The following MYO9B variants were observed in gnomAD, a reference collection of about 807,000 sequenced individuals.
MYO9B encodes unconventional myosin-IXb.
A neutral mutation model predicts 229.5 loss-of-function variants in MYO9B; 71 were observed. The observed-to-expected ratio is 0.31, with a 90% CI of 0.26 to 0.38. The LOEUF (loss-of-function observed/expected upper bound fraction) is 0.38. Ranked by LOEUF, MYO9B falls within the 10% of genes least tolerant of loss-of-function variation. The probability of loss-of-function intolerance (pLI) is 1.00; values close to 1 mark genes in which losing one functional copy is unlikely to be tolerated. For synonymous variants in MYO9B, 1,185 were observed against 1,235.8 expected, an observed-to-expected ratio of 0.96 and a Z score of 0.86; for missense variants, 2,255 against 2,920.5, an observed-to-expected ratio of 0.77 and a Z score of 5.25.
At chr19:17,114,311 C>T (rs959982695) in intron 2 of MYO9B, among the ~76,000 whole-genome samples, 38 of 152,106 alleles carry the variant, frequency 2.5e-4, no homozygotes, top group African/African-American at 7.2e-5. Context: ...GGCTGTTGGG[C>T]GTGGCGGGAA....
intron 2 of MYO9B, among the ~76,000 whole-genome samples, chr19:17,143,750 G>T (rs757889893): frequency 6.6e-6 from 1 of 152,018 alleles, no homozygotes; most frequent in South Asian, 2.1e-4. Context: ...GTGAAACCCC[G>T]TCTCTACTAC....
chr19:17,194,450 C>A lies in MYO9B; in HGVS notation c.3129-106C>A, dbSNP rs115734315. The A allele has an allele frequency of 4.6e-6, 6 of 1,305,764 alleles. No homozygotes were observed. In the African/African-American group the frequency reaches 5.9e-5, roughly 13 times the overall value. 80.9% of individuals were successfully genotyped at this position (1,305,764 alleles called of 1,614,324 possible). On this transcript the variant is annotated intron_variant, in intron 21 of 39. Coordinates refer to ENST00000682292, the MANE Select transcript of MYO9B (RefSeq NM_004145.4). Reference sequence around the variant, plus strand: ...ATCTCTCAGGGCCACTGGGCACAGGCGAAGCCCCGTCTGCAGCCCGCAGGC... The same window carrying A: ...ATCTCTCAGGGCCACTGGGCACAGGAGAAGCCCCGTCTGCAGCCCGCAGGC...
rs1201056409 is a variant in MYO9B, at chr19:17,206,695, G to A, written c.5403G>A (p.Gln1801=). The A allele has an allele frequency of 6.3e-7, 1 of 1,578,946 alleles. No homozygotes were observed. The highest frequency in any genetic ancestry group is 1.8e-5 in the Admixed American group (1 of 54,486). ...FLRAVELPEK[Q]EQLAAIYAVL... ...TGCCTGCAGAGCTGCCGGAGAAGCA[G>A]GAGCAGCTGGCTGCCATCTATGCCG... Residue 1801 remains glutamine (Q), a synonymous_variant, in exon 34 of 40, where the codon CAG becomes CAA. Transcript: ENST00000682292.
At chr19:17,080,871 TAA>T (rs35753035) in intron 1 of MYO9B, among the ~76,000 whole-genome samples, 94 of 146,456 alleles carry the variant, frequency 6.4e-4, no homozygotes, top group South Asian at 1.5e-3. Context: ...CCCCATCTCT[TAA>T]AAAAAAAAAA....
At chr19:17,175,365 A>G (rs1049660676) in intron 13 of MYO9B, among the ~76,000 whole-genome samples, 2 of 151,546 alleles carry the variant, frequency 1.3e-5, no homozygotes. Flanking sequence ...TGGGCAGATC[A>G]CCTGAGGTCA....
intron 1 of MYO9B, 128 bp downstream of exon 1, chr19:17,076,002 G>A (rs1209737975): frequency 6.6e-6 from 1 of 152,552 alleles, no homozygotes; most frequent in Non-Finnish European, 1.5e-5. Flanking sequence ...GCGGGAACGA[G>A]CCTGGGGGTC....
At chr19:17,092,344 C>T (rs373671114) in intron 1 of MYO9B, among the ~76,000 whole-genome samples, 1 of 152,220 alleles carries the variant, frequency 6.6e-6, no homozygotes, top group Non-Finnish European at 1.5e-5. Flanking sequence ...GCCCAGGCCT[C>T]GCTGTGTGCA....
At chr19:17,188,368 G>T (rs1599407152) in intron 19 of MYO9B, among the ~76,000 whole-genome samples, 1 of 144,990 alleles carries the variant, frequency 6.9e-6, no homozygotes, top group Non-Finnish European at 1.5e-5. Flanking sequence ...GGCAGAGGTT[G>T]CAGTGAGCCA....
In MYO9B at chr19:17,211,933, A is replaced by G. The variant is rs190936398; in HGVS notation, c.6097A>G (p.Thr2033Ala). 2,729 of 598,368 alleles carry G rather than the reference A, an allele frequency of 4.6e-3. 50 individuals are homozygous for G. In the African/African-American group the frequency reaches 0.072, roughly 16 times the overall value. The allele number at this position is 598,368 out of a possible 1,614,324, so 37.1% of individuals were successfully genotyped here. The change falls in exon 40 of 40, where the codon ACC becomes GCC. Residue 2033 changes from threonine (T) to alanine (A), a missense_variant. Physicochemically the swap from Thr to Ala is moderately conservative, Grantham distance 58. Around this residue, in one of 7 missense-constraint regions of MYO9B, gnomAD observed 331 missense variants for 332.5 expected, o/e 1.00. Coordinates refer to ENST00000682292, the MANE Select transcript of MYO9B (RefSeq NM_004145.4). ...APALPCPGAP[T>A]PSPLPTVAAP... ...TGCTCTCCCTTGCCCCGGCGCGCCC[A>G]CCCCGAGCCCCCTCCCCACCGTGGC...
intron 1 of MYO9B, among the ~76,000 whole-genome samples, chr19:17,080,044 C>T (rs1417128085): frequency 6.6e-6 from 1 of 152,196 alleles, no homozygotes; most frequent in East Asian, 1.9e-4. Flanking sequence ...CTACTCATTT[C>T]CTCAGCGAGA....
chr19:17,198,455 G>A, intron 24 of MYO9B, 147 bp downstream of exon 24: 3 of 1,188,554 alleles, frequency 2.5e-6, no homozygotes, highest in Non-Finnish European at 3.5e-6. Flanking sequence ...TGAATGGGGA[G>A]GCCAGGCAGT....
In MYO9B at chr19:17,101,648, C is replaced by A; in HGVS notation, c.-58-12C>A. Reference sequence around the variant, plus strand: ...CCATTCTGACCATGCCTGGCTCTGACCTCCCTTCTAGCTCCAGGACACGCG... The same window carrying A: ...CCATTCTGACCATGCCTGGCTCTGAACTCCCTTCTAGCTCCAGGACACGCG... On this transcript the variant is annotated splice_polypyrimidine_tract_variant and intron_variant, in intron 1 of 39. Coordinates refer to ENST00000682292, the MANE Select transcript of MYO9B (RefSeq NM_004145.4). This position sits in a 1 kb window ranked among gnomAD's most constrained non-coding sequence, Gnocchi z 4.7. 1 of 1,471,418 alleles carries A rather than the reference C, an allele frequency of 6.8e-7. No homozygotes were observed. The allele number at this position is 1,471,418 out of a possible 1,614,324, so 91.1% of individuals were successfully genotyped here.
intron 1 of MYO9B, among the ~76,000 whole-genome samples, chr19:17,089,601 C>T (rs2123469556): frequency 6.6e-6 from 1 of 152,272 alleles, no homozygotes; most frequent in Non-Finnish European, 1.5e-5. Context: ...GACCCCCACC[C>T]CCAGGGCCTG....
At chr19:17,166,834 C>T (rs2072665045) in intron 10 of MYO9B, among the ~76,000 whole-genome samples, 1 of 152,198 alleles carries the variant, frequency 6.6e-6, no homozygotes, top group Non-Finnish European at 1.5e-5. Context: ...GACATGACCT[C>T]ATTCCTTTTT....
At chr19:17,079,848 G>C (rs375742769) in intron 1 of MYO9B, among the ~76,000 whole-genome samples, 4 of 152,258 alleles carry the variant, frequency 2.6e-5, no homozygotes, top group African/African-American at 4.8e-5. Context: ...GCGGCCTCTC[G>C]GCAAAGCAAG....
chr19:17,195,269 G>A lies in MYO9B; in HGVS notation c.3842G>A (p.Ser1281Asn). 6.2e-7 allele frequency: 1 copy of A among 1,612,428 alleles called. No individual in the cohort carries two copies. Among genetic ancestry groups the A allele is most frequent in the Non-Finnish European group, 8.5e-7 (1 of 1,179,714 alleles). Residue 1281 changes from serine to asparagine, a missense_variant, in exon 22 of 40, where the codon AGC becomes AAC. Ser to Asn is a conservative substitution (Grantham distance 46). This residue lies in a region of MYO9B where 679 missense variants were observed against 770.2 expected (regional missense o/e 0.88). Coordinates refer to ENST00000682292, the MANE Select transcript of MYO9B (RefSeq NM_004145.4). This position sits in a 1 kb window ranked among gnomAD's most constrained non-coding sequence, Gnocchi z 4.5. ...TPEDKSKPCG[S>N]PRVQEKPDSP... is the part of the protein sequence containing the mutation. ...GAGGACAAGAGCAAACCATGTGGCA[G>A]CCCAAGGGTTCAGGAAAAGCCCGAC...
intron 2 of MYO9B, among the ~76,000 whole-genome samples, chr19:17,140,725 T>C (rs1279596026): frequency 6.6e-6 from 1 of 151,068 alleles, no homozygotes; most frequent in Non-Finnish European, 1.5e-5. Context: ...TGACCTCAGG[T>C]GATCCGCCTG....
intron 1 of MYO9B, among the ~76,000 whole-genome samples, chr19:17,088,801 C>T (rs2057609108): frequency 6.6e-6 from 1 of 152,120 alleles, no homozygotes; most frequent in Admixed American, 6.5e-5. Flanking sequence ...AGTGATTCTC[C>T]CACCTCAGCC....
chr19:17,210,886 T>A (rs1312087398), intron 38 of MYO9B, 38 bp downstream of exon 38: 1 of 1,568,216 alleles, frequency 6.4e-7, no homozygotes, highest in South Asian at 1.2e-5. Context: ...CCTTCATGTT[T>A]AGGGCAAGCT....
Sources: gnomAD v4.1 joint callset for allele counts (sites outside exome capture counted in the v4.1 genomes callset) on GRCh38, gnomAD v4.1.1 for gene constraint, gnomAD v4.1.1 regional missense constraint, Gnocchi (gnomAD v3.1) non-coding constraint, MANE v1.5 for transcripts, NCBI Gene and HGNC (gene_info 2026-07-23, HGNC 2026-07-21) for gene names.